Variants in SH3KBP1 observed in about 807,000 individuals in gnomAD.
The protein encoded by SH3KBP1 is SH3 domain containing kinase binding protein 1.
In SH3KBP1, 8 loss-of-function variants were observed where a neutral mutation model predicts 50.1. That is an observed-to-expected ratio of 0.16 (90% CI 0.09 to 0.29). The LOEUF (loss-of-function observed/expected upper bound fraction) is 0.29, where lower values mean the gene tolerates loss of function less well. SH3KBP1 is among the 10% of genes least tolerant of loss of function. The pLI is 1.00. For synonymous variants in SH3KBP1, 227 were observed against 218.6 expected (o/e 1.04, Z -0.34); for missense variants, 377 against 535.2 (o/e 0.70, Z 2.92).
chrX:19,773,468 GTCTC>G (rs549190221), intron 2 of SH3KBP1, among the ~76,000 whole-genome samples: 32 of 97,837 alleles, frequency 3.3e-4, no homozygotes, highest in South Asian at 2.2e-3. Flanking sequence ...TTCAGTCTCT[GTCTC>G]TCTCTCTCTC....
At chrX:19,664,946 A>G (rs2062558646) in intron 6 of SH3KBP1, among the ~76,000 whole-genome samples, 1 of 112,397 alleles carries the variant, frequency 8.9e-6, no homozygotes, top group Non-Finnish European at 1.9e-5. Context: ...AGACAATGCT[A>G]AGCACTGCAT....
intron 2 of SH3KBP1, among the ~76,000 whole-genome samples, chrX:19,832,317 G>C (rs1413342778): frequency 8.9e-6 from 1 of 111,911 alleles, no homozygotes; most frequent in Non-Finnish European, 1.9e-5. Context: ...CTGAGGGGCT[G>C]GCCACTGTGC....
intron 1 of SH3KBP1, among the ~76,000 whole-genome samples, chrX:19,872,553 C>G (rs761243371): frequency 9.1e-6 from 1 of 109,470 alleles, no homozygotes; most frequent in Non-Finnish European, 1.9e-5. Context: ...GGGCGGATCA[C>G]GAGGTCAGGA....
At chrX:19,702,706 T>C (rs1045209329) in intron 4 of SH3KBP1, among the ~76,000 whole-genome samples, 3 of 110,082 alleles carry the variant, frequency 2.7e-5, no homozygotes, top group African/African-American at 1.0e-4. Context: ...CAAAAACACA[T>C]CATAAGCCAA....
intron 5 of SH3KBP1, chrX:19,687,649 G>C (rs772762263): frequency 8.3e-7 from 1 of 1,208,292 alleles, no homozygotes; most frequent in East Asian, 3.0e-5. Context: ...CGTCTTTCCC[G>C]GTGCAGCTCG....
At chrX:19,589,049 G>A (rs1401777616) in intron 11 of SH3KBP1, among the ~76,000 whole-genome samples, 1 of 111,639 alleles carries the variant, frequency 9.0e-6, no homozygotes, top group African/African-American at 3.3e-5. Context: ...TCTGGCCACC[G>A]CCCACCTTCA....
chrX:19,720,311 A>C (rs978488349), intron 3 of SH3KBP1, among the ~76,000 whole-genome samples: 2 of 110,772 alleles, frequency 1.8e-5, no homozygotes, highest in African/African-American at 6.6e-5. Context: ...ACACTTCCCT[A>C]ATGTGTCCCT....
chrX:19,834,489 A>ACTT (rs1186788393), intron 2 of SH3KBP1, among the ~76,000 whole-genome samples: 4 of 112,087 alleles, frequency 3.6e-5, no homozygotes, highest in Non-Finnish European at 7.5e-5. Context: ...TGGCAAGGGG[A>ACTT]CTTCTAGACC....
intron 6 of SH3KBP1, among the ~76,000 whole-genome samples, chrX:19,648,738 T>C (rs1323838266): frequency 9.0e-6 from 1 of 110,931 alleles, no homozygotes; most frequent in Non-Finnish European, 1.9e-5. Context: ...TCAAAGTCTA[T>C]AGTGTCCCCC....
At chrX:19,704,143 A>C (rs933692514) in intron 4 of SH3KBP1, among the ~76,000 whole-genome samples, 1 of 112,326 alleles carries the variant, frequency 8.9e-6, no homozygotes, top group Non-Finnish European at 1.9e-5. Flanking sequence ...TTTTATGTAA[A>C]TATCATAGAC....
At chrX:19,667,172 C>A (rs1245001524) in intron 6 of SH3KBP1, among the ~76,000 whole-genome samples, 1 of 111,979 alleles carries the variant, frequency 8.9e-6, no homozygotes, top group Non-Finnish European at 1.9e-5. Flanking sequence ...GAAAGTAGAA[C>A]AGTAGCTGCC....
chrX:19,554,301 CAT>C lies in SH3KBP1; in HGVS notation c.1385-4220_1385-4219del, dbSNP rs1436503900. On this transcript the variant is annotated intron_variant, in intron 13 of 17. Transcript: ENST00000397821. The stretch of plus-strand genomic sequence containing the variant: ...TATCATATTAAAATATATTATATAT[CAT>C]ATTAAAATATACATCATATTAAAAT... Among the ~76,000 whole-genome samples the C allele has an allele frequency of 4.9e-5, 4 of 81,433 alleles. No individual in the cohort carries two copies. The East Asian group carries it at 1.0e-3, about 21-fold the overall frequency. 70.7% of individuals were successfully genotyped at this position (81,433 alleles called of 115,157 possible).
intron 15 of SH3KBP1, among the ~76,000 whole-genome samples, chrX:19,544,003 G>A (rs929668450): frequency 1.8e-5 from 2 of 110,817 alleles, no homozygotes; most frequent in Non-Finnish European, 3.8e-5. Flanking sequence ...CAACGCGGCC[G>A]TGAGGCTCCC....
At chrX:19,666,083 A>G (rs2062589915) in intron 6 of SH3KBP1, among the ~76,000 whole-genome samples, 1 of 107,166 alleles carries the variant, frequency 9.3e-6, no homozygotes, top group South Asian at 4.2e-4. Flanking sequence ...ACTAAAGGCT[A>G]CCAACTGAAT....
chrX:19,874,793 G>C (rs1174679525), intron 1 of SH3KBP1, among the ~76,000 whole-genome samples: 1 of 104,612 alleles, frequency 9.6e-6, no homozygotes, highest in Non-Finnish European at 2.0e-5. Context: ...GGAAAAGAGG[G>C]TGGAAGGGGA....
chrX:19,631,965 G>T lies in SH3KBP1; in HGVS notation c.803-7C>A, dbSNP rs190819265. ...ACTTTGCAGTAATCCTTGCCTATAA[G>T]AAAAACAGAAAACATAACCTTTAAA... is the stretch of plus-strand genomic sequence containing the variant. On this transcript the variant is annotated splice_polypyrimidine_tract_variant and splice_region_variant and intron_variant, in intron 7 of 17. Transcript: ENST00000397821. The T allele has an allele frequency of 8.2e-5, 89 of 1,079,495 alleles. No individual in the cohort carries two copies. The Admixed American group carries it at 1.9e-3, about 23-fold the overall frequency. The allele number at this position is 1,079,495 out of a possible 1,213,427, so 89.0% of individuals were successfully genotyped here. A position where few individuals can be genotyped will look rare whatever the true frequency, so the allele number is the denominator to read the frequency against.
At chrX:19,817,321 C>A (rs1301563072) in intron 2 of SH3KBP1, among the ~76,000 whole-genome samples, 1 of 112,120 alleles carries the variant, frequency 8.9e-6, no homozygotes, top group Non-Finnish European at 1.9e-5. Context: ...AAAAAAAAAT[C>A]TTGCTGGAAT....
intron 2 of SH3KBP1, among the ~76,000 whole-genome samples, chrX:19,783,073 A>G (rs951003941): frequency 6.2e-5 from 7 of 112,262 alleles, no homozygotes; most frequent in African/African-American, 2.3e-4. Context: ...ACCTGTGATC[A>G]TGCCACTGCA....
At chrX:19,547,078 G>A (rs1010800476) in intron 14 of SH3KBP1, among the ~76,000 whole-genome samples, 6 of 109,804 alleles carry the variant, frequency 5.5e-5, no homozygotes, top group African/African-American at 1.0e-4. Context: ...CTTGAGCCCC[G>A]GAGGTCGAGG....
Sources: gnomAD v4.1 joint callset for allele counts (sites outside exome capture counted in the v4.1 genomes callset) on GRCh38, gnomAD v4.1.1 for gene constraint, MANE v1.5 for transcripts, NCBI Gene and HGNC (gene_info 2026-07-23, HGNC 2026-07-21) for gene names.